The following LINGO2 variants were observed in gnomAD, a reference collection of about 807,000 sequenced individuals.
LINGO2 encodes leucine rich repeat and Ig domain containing 2.
A neutral mutation model predicts 30.6 loss-of-function variants in LINGO2; 14 were observed. The ratio of observed to expected loss-of-function variants is 0.46; its 90% CI spans 0.30 to 0.72. The LOEUF (loss-of-function observed/expected upper bound fraction) is 0.72, where lower values mean the gene tolerates loss of function less well. Ranked by LOEUF, LINGO2 falls within the 30% of genes least tolerant of loss-of-function variation. LINGO2 has a pLI of 0.07. For missense variants in LINGO2, 729 were observed against 751.7 expected, an observed-to-expected ratio of 0.97 and a Z score of 0.35; for synonymous variants, 317 against 288.5, an observed-to-expected ratio of 1.10 and a Z score of -1.00.
the LINGO2 span, among the ~76,000 whole-genome samples, chr9:29,123,807 C>A: frequency 3.2e-4 from 49 of 152,028 alleles, no homozygotes; most frequent in Middle Eastern, 3.4e-3. Context: ...AACCATTTTC[C>A]CTAGAATTAA....
the LINGO2 span, among the ~76,000 whole-genome samples, chr9:28,887,259 GA>G: frequency 2.6e-5 from 4 of 151,942 alleles, no homozygotes; most frequent in African/African-American, 9.7e-5. Flanking sequence ...CTACATGTGG[GA>G]AAAAAATTGA....
intron 5 of LINGO2, among the ~76,000 whole-genome samples, chr9:27,981,296 A>G (rs1015604789): frequency 6.6e-6 from 1 of 151,690 alleles, no homozygotes; most frequent in African/African-American, 2.4e-5. Context: ...TTGTAAGATA[A>G]TATTATCTCC....
intron 2 of LINGO2, among the ~76,000 whole-genome samples, chr9:28,475,328 T>C (rs1438905594): frequency 6.6e-6 from 1 of 152,186 alleles, no homozygotes; most frequent in Admixed American, 6.5e-5. Context: ...TTTTTATACT[T>C]TTTGTATAAA....
the LINGO2 span, among the ~76,000 whole-genome samples, chr9:29,033,622 T>A: frequency 6.6e-6 from 1 of 151,982 alleles, no homozygotes; most frequent in East Asian, 1.9e-4. Context: ...ATCCATTCCA[T>A]GATTGCATCT....
the LINGO2 span, among the ~76,000 whole-genome samples, chr9:29,113,975 A>G: frequency 2.7e-5 from 4 of 148,618 alleles, no homozygotes; most frequent in Admixed American, 1.3e-4. Context: ...AAAAAAAAAA[A>G]TTGCCAGAAA....
the LINGO2 span, among the ~76,000 whole-genome samples, chr9:28,918,060 A>C: frequency 1.3e-5 from 2 of 152,056 alleles, no homozygotes; most frequent in Admixed American, 6.6e-5. Context: ...CCTTACAGAT[A>C]CACTGTGTAT....
chr9:28,035,280 A>G (rs927959808), intron 4 of LINGO2, among the ~76,000 whole-genome samples: 1 of 152,222 alleles, frequency 6.6e-6, no homozygotes, highest in African/African-American at 2.4e-5. Flanking sequence ...AAATAGATAA[A>G]GCCATATATT....
At chr9:29,198,801 C>T in the LINGO2 span, among the ~76,000 whole-genome samples, 1 of 152,070 alleles carries the variant, frequency 6.6e-6, no homozygotes, top group Non-Finnish European at 1.5e-5. Context: ...AAGAACAATG[C>T]ATAGGTGAAT....
At chr9:29,138,790 A>G in the LINGO2 span, among the ~76,000 whole-genome samples, 12 of 152,154 alleles carry the variant, frequency 7.9e-5, no homozygotes, top group Non-Finnish European at 1.6e-4. Context: ...AATGCGTCAT[A>G]TAATTCTCTT....
chr9:28,807,320 G>A, the LINGO2 span, among the ~76,000 whole-genome samples: 733 of 152,108 alleles, frequency 4.8e-3, 4 homozygotes, highest in African/African-American at 0.014. Context: ...CACCATGCCC[G>A]GCCGTGAAAA....
At chr9:28,719,750 T>C in the LINGO2 span, among the ~76,000 whole-genome samples, 4 of 152,038 alleles carry the variant, frequency 2.6e-5, no homozygotes, top group Non-Finnish European at 5.9e-5. Context: ...AGATTACTCC[T>C]CTAAGATGCA....
intron 4 of LINGO2, among the ~76,000 whole-genome samples, chr9:28,018,675 CA>C (rs1007106951): frequency 1.3e-5 from 2 of 151,670 alleles, no homozygotes; most frequent in Non-Finnish European, 2.9e-5. Flanking sequence ...TGGCTATTAC[CA>C]AAAAGTCAAA....
chr9:28,433,671 G>T (rs1445709336), intron 2 of LINGO2, among the ~76,000 whole-genome samples: 15 of 152,042 alleles, frequency 9.9e-5, no homozygotes, highest in Admixed American at 9.8e-4. Flanking sequence ...CTTTTACACT[G>T]CTTGTGGGAA....
intron 4 of LINGO2, among the ~76,000 whole-genome samples, chr9:28,092,090 C>T (rs990318163): frequency 4.6e-5 from 7 of 151,908 alleles, no homozygotes; most frequent in South Asian, 2.1e-4. Flanking sequence ...ACTTTTACAC[C>T]GTTGGTGGGA....
chr9:28,140,678 A>C (rs1007132357), intron 4 of LINGO2, among the ~76,000 whole-genome samples: 1 of 152,144 alleles, frequency 6.6e-6, no homozygotes, highest in Non-Finnish European at 1.5e-5. Context: ...TGGAGTTATC[A>C]CTACCACCTG....
chr9:28,503,511 T>G (rs1268540351), intron 1 of LINGO2, among the ~76,000 whole-genome samples: 1 of 152,042 alleles, frequency 6.6e-6, no homozygotes, highest in Non-Finnish European at 1.5e-5. Context: ...ATCAAAAGGC[T>G]TCTTTTATTA....
chr9:28,146,422 A>G (rs556606008), intron 4 of LINGO2, among the ~76,000 whole-genome samples: 1 of 152,228 alleles, frequency 6.6e-6, no homozygotes, highest in Non-Finnish European at 1.5e-5. Flanking sequence ...AAAGACAGAG[A>G]AAGTACAAAT....
At position 28,316,731 on chromosome 9, in the gene LINGO2, A is replaced by G. The variant is rs142074445; in HGVS notation, c.-245-21365T>C. Among the ~76,000 whole-genome samples the G allele has an allele frequency of 1.7e-3, 266 of 152,300 alleles. 2 individuals carry two copies. Among genetic ancestry groups the G allele is most frequent in the African/African-American group, 6.0e-3 (251 of 41,580 alleles). ...AGATGAAGGAGACATTAACAAATACACACAAACTAAGTATATAAGATTATA... is the reference window on the plus strand; with the variant it reads ...AGATGAAGGAGACATTAACAAATACGCACAAACTAAGTATATAAGATTATA... On this transcript the variant is annotated intron_variant, in intron 3 of 5. Coordinates refer to ENST00000379992, the Ensembl canonical transcript of LINGO2.
At chr9:28,719,459 C>G in the LINGO2 span, among the ~76,000 whole-genome samples, 2 of 152,010 alleles carry the variant, frequency 1.3e-5, no homozygotes, top group African/African-American at 4.8e-5. Context: ...AGCAGCTCCT[C>G]CCAAACTCAT....
Sources: allele counts gnomAD v4.1 joint callset (sites outside exome capture counted in the v4.1 genomes callset), GRCh38; gene constraint gnomAD v4.1.1; transcripts MANE v1.5; gene names NCBI Gene and HGNC (gene_info 2026-07-23, HGNC 2026-07-21).